Variants in NBPF26 observed in about 807,000 individuals in gnomAD.
The protein encoded by NBPF26 is NBPF member 26, also known as NBPF family member NBPF26.
Under a neutral mutation model 119.6 loss-of-function variants are expected in NBPF26, and 79 were observed. That is an observed-to-expected ratio of 0.66 (90% CI 0.55 to 0.80). The LOEUF is 0.80. NBPF26 is among the 30% of genes least tolerant of loss of function. The pLI is 0.00. For synonymous variants in NBPF26, 299 were observed against 457.7 expected, an observed-to-expected ratio of 0.65 and a Z score of 4.43; for missense variants, 800 against 1,198.2, an observed-to-expected ratio of 0.67 and a Z score of 4.91.
At chr1:120,759,907 C>T (rs1326523860) in intron 1 of NBPF26, among the ~76,000 whole-genome samples, 1 of 104,730 alleles carries the variant, frequency 9.5e-6, no homozygotes, top group Non-Finnish European at 1.8e-5. Context: ...TGCAATATAT[C>T]TCAAACATAT....
In NBPF26 at chr1:120,825,014, C is replaced by G. The variant is rs1182063474; in HGVS notation, c.2812+868C>G. 3.8e-6 allele frequency: 2 copies of G among 532,950 alleles called. 1 individual carries two copies. The highest frequency in any genetic ancestry group is 4.2e-5 in the South Asian group (2 of 47,230). The allele number at this position is 532,950 out of a possible 1,614,324, so 33.0% of individuals were successfully genotyped here. ...AGTGTATTCAATTTCATGTTTTCAACGAAGGTTGAATTACGCCTACTGACA... is the reference window on the plus strand; with the variant it reads ...AGTGTATTCAATTTCATGTTTTCAAGGAAGGTTGAATTACGCCTACTGACA... On this transcript the variant is annotated intron_variant, in intron 18 of 29. Transcript: ENST00000620612.
At chr1:120,759,724 A>T (rs1651113200) in intron 1 of NBPF26, among the ~76,000 whole-genome samples, 1 of 113,502 alleles carries the variant, frequency 8.8e-6, no homozygotes, top group Non-Finnish European at 1.7e-5. Flanking sequence ...TTGTCAATTT[A>T]TAGTTGTATA....
At chr1:120,823,492 C>A in intron 17 of NBPF26, 132 bp downstream of exon 17, 2 of 606,076 alleles carry the variant, frequency 3.3e-6, no homozygotes, top group Non-Finnish European at 5.6e-6. Flanking sequence ...TACTACATTG[C>A]TTTTTGGTTC....
chr1:120,807,407 C>G lies in NBPF26; in HGVS notation c.962-200C>G, dbSNP rs1306253397. On this transcript the variant is annotated intron_variant, in intron 5 of 29. Transcript: ENST00000620612. Reference sequence around the variant, plus strand: ...TTCCTTGATGCGCCCTTGAGTTTCTCTTTCTTCGTCTTTAAATTTTGGAGG... The same window carrying G: ...TTCCTTGATGCGCCCTTGAGTTTCTGTTTCTTCGTCTTTAAATTTTGGAGG... 1.6e-5 allele frequency among the ~76,000 whole-genome samples: 2 copies of G among 123,498 alleles called. 1 individual carries two copies. The highest frequency in any genetic ancestry group is 3.3e-5 in the Non-Finnish European group (2 of 61,134). 81.0% of individuals were successfully genotyped at this position (123,498 alleles called of 152,430 possible).
At position 120,807,014 on chromosome 1, in the gene NBPF26, A is replaced by G. The variant is rs1440751545; in HGVS notation, c.962-593A>G. On this transcript the variant is annotated intron_variant, in intron 5 of 29. Coordinates refer to ENST00000620612, the Ensembl canonical transcript of NBPF26. The stretch of plus-strand genomic sequence containing the variant: ...TTCTAAATTAACACAACTAATCTAA[A>G]TCTTAATGCTGCCTCTCATACTAAT... Among the ~76,000 whole-genome samples the G allele has an allele frequency of 4.6e-5, 6 of 129,484 alleles. 1 individual carries two copies. Among genetic ancestry groups the G allele is most frequent in the African/African-American group, 7.0e-5 (2 of 28,382 alleles). 84.9% of individuals were successfully genotyped at this position (129,484 alleles called of 152,430 possible).
At chr1:120,814,763 T>C in intron 11 of NBPF26, 66 bp from the exon 12 acceptor site, 1 of 1,011,044 alleles carries the variant, frequency 9.9e-7, no homozygotes. Context: ...GAAATCTCTG[T>C]TGCAATATTT....
chr1:120,724,104 C>G, exon 1 of NBPF26: 1 of 1,336,692 alleles, frequency 7.5e-7, no homozygotes, highest in Admixed American at 2.7e-5. Context: ...TCTATCGGGA[C>G]CCCCTCCCCA....
rs1454889664 is a variant in NBPF26, at chr1:120,795,956, C to T, written c.751+2460C>T. On this transcript the variant is annotated intron_variant, in intron 4 of 29. Coordinates refer to ENST00000620612, the Ensembl canonical transcript of NBPF26. ...TGTGTGTGTGTGTGTGTGTATATGCCGTTGTGCAGATGTTTAAAAGTAGTT... is the reference window on the plus strand; with the variant it reads ...TGTGTGTGTGTGTGTGTGTATATGCTGTTGTGCAGATGTTTAAAAGTAGTT... Among the ~76,000 whole-genome samples the T allele has an allele frequency of 1.4e-4, 5 of 36,074 alleles. 2 individuals are homozygous for T. In the South Asian group the frequency reaches 1.5e-3, roughly 11 times the overall value. The allele number at this position is 36,074 out of a possible 152,430, so 23.7% of individuals were successfully genotyped here. A position where few individuals can be genotyped will look rare whatever the true frequency, so the allele number is the denominator to read the frequency against.
At chr1:120,728,738 T>G (rs2101343221) in intron 1 of NBPF26, among the ~76,000 whole-genome samples, 1 of 117,670 alleles carries the variant, frequency 8.5e-6, no homozygotes, top group Non-Finnish European at 1.6e-5. Context: ...TTTTTTGAGA[T>G]TTTTTTCATT....
intron 1 of NBPF26, among the ~76,000 whole-genome samples, chr1:120,760,164 TA>T (rs1651118565): frequency 1.5e-5 from 1 of 66,472 alleles, no homozygotes; most frequent in Non-Finnish European, 2.6e-5. Flanking sequence ...TATTCCATTG[TA>T]TATATCTACC....
chr1:120,759,708 T>G (rs1651113069), intron 1 of NBPF26, among the ~76,000 whole-genome samples: 1 of 112,476 alleles, frequency 8.9e-6, no homozygotes, highest in South Asian at 2.5e-4. Flanking sequence ...TTTTTAAAAA[T>G]TAGAATTGTC....
rs1292875591 is a variant in NBPF26, at chr1:120,840,273, T to G, written c.4104-77T>G. The stretch of plus-strand genomic sequence containing the variant: ...TTTCTTTTCTAACCACTTCCTTATG[T>G]TACTTCTGAAATCTAGTGGGGCTCT... On this transcript the variant is annotated intron_variant, in intron 29 of 29. Coordinates refer to ENST00000620612, the Ensembl canonical transcript of NBPF26. 1.9e-4 allele frequency: 281 copies of G among 1,442,424 alleles called. 63 individuals are homozygous for G. The highest frequency in any genetic ancestry group is 2.5e-4 in the Non-Finnish European group (275 of 1,080,882). The allele number at this position is 1,442,424 out of a possible 1,614,324, so 89.4% of individuals were successfully genotyped here. A position where few individuals can be genotyped will look rare whatever the true frequency, so the allele number is the denominator to read the frequency against.
chr1:120,759,214 A>G lies in NBPF26; in HGVS notation c.74-4414A>G, dbSNP rs1259445557. 2.6e-4 allele frequency among the ~76,000 whole-genome samples: 12 copies of G among 45,974 alleles called. No homozygotes were observed. The East Asian group carries it at 6.1e-3, about 23-fold the overall frequency. 30.2% of individuals were successfully genotyped at this position (45,974 alleles called of 152,430 possible). ...TGGAAATTGGCTTCTAGATTTTTGT[A>G]TTATATTGCCAAATGATGGAGTGAT... On this transcript the variant is annotated intron_variant, in intron 1 of 29. Coordinates refer to ENST00000620612, the Ensembl canonical transcript of NBPF26.
At chr1:120,793,387 A>G (rs1209046749) in exon 4 of NBPF26, 2 of 1,437,402 alleles carry the variant, frequency 1.4e-6, no homozygotes, top group Non-Finnish European at 1.9e-6. Context: ...AGGGCTTCAC[A>G]GGCCAGTACT....
chr1:120,840,310 T>A, intron 29 of NBPF26, 40 bp from the exon 36 acceptor site: 1 of 1,444,418 alleles, frequency 6.9e-7, no homozygotes, highest in East Asian at 2.3e-5. Context: ...TGGTGTCCGA[T>A]TTTCCCTGGC....
In NBPF26 at chr1:120,733,202, AG is replaced by A. The variant is rs1356682816; in HGVS notation, c.73+8954del. The stretch of plus-strand genomic sequence containing the variant: ...CACATAATATACTATTGTCAACACT[AG>A]GTTTTATTTTTAAAAATCTTTACCA... On this transcript the variant is annotated intron_variant, in intron 1 of 29. Coordinates refer to ENST00000620612, the Ensembl canonical transcript of NBPF26. Among the ~76,000 whole-genome samples, 7 of 104,084 alleles carry A rather than the reference AG, an allele frequency of 6.7e-5. 1 individual carries two copies. The highest frequency in any genetic ancestry group is 5.3e-5 in the Non-Finnish European group (3 of 56,970). The allele number at this position is 104,084 out of a possible 152,430, so 68.3% of individuals were successfully genotyped here.
rs1553270246 is a variant in NBPF26 at position 120,807,575 on chromosome 1, C to T, written c.962-32C>T. 5 of 1,442,218 alleles carry T rather than the reference C, an allele frequency of 3.5e-6. 1 individual carries two copies. The highest frequency in any genetic ancestry group is 1.9e-5 in the Admixed American group (1 of 53,222). 89.3% of individuals were successfully genotyped at this position (1,442,218 alleles called of 1,614,324 possible). A position where few individuals can be genotyped will look rare whatever the true frequency, so the allele number is the denominator to read the frequency against. The stretch of plus-strand genomic sequence containing the variant: ...TGACCACAGCAGCATGTCCAGCCTT[C>T]CACTGAGGCAGGTGTGTCTGTCTTT... On this transcript the variant is annotated intron_variant, in intron 5 of 29. Coordinates refer to ENST00000620612, the Ensembl canonical transcript of NBPF26.
intron 15 of NBPF26, among the ~76,000 whole-genome samples, chr1:120,818,709 C>T (rs1652065480): frequency 8.1e-6 from 1 of 123,146 alleles, no homozygotes; most frequent in Admixed American, 7.9e-5. Flanking sequence ...TTTCAAAGAA[C>T]ATCTTTATTT....
intron 13 of NBPF26, 108 bp downstream of exon 13, chr1:120,816,265 G>A (rs1355823732): frequency 0.018 from 11,999 of 672,708 alleles, 1,343 homozygotes; most frequent in East Asian, 0.064. Context: ...GCATTCGCTT[G>A]GCCACAGTAT....
Sources: gnomAD v4.1 joint callset for allele counts (sites outside exome capture counted in the v4.1 genomes callset) on GRCh38, gnomAD v4.1.1 for gene constraint, MANE v1.5 for transcripts, NCBI Gene and HGNC (gene_info 2026-07-23, HGNC 2026-07-21) for gene names.